ADAM22: variants seen among roughly 807,000 people sequenced by gnomAD.
ADAM22 encodes the protein ADAM metallopeptidase domain 22, also known as disintegrin and metalloproteinase domain-containing protein 22.
In ADAM22, 65 loss-of-function variants were observed where a neutral mutation model predicts 144.6. The ratio of observed to expected loss-of-function variants is 0.45; its 90% CI spans 0.37 to 0.55. ADAM22 has a LOEUF of 0.55. Among genes scored for constraint, ADAM22 ranks in the 20% least tolerant of loss-of-function variants. The pLI, the probability that ADAM22 is intolerant of heterozygous loss-of-function variation, is 0.00. For synonymous variants in ADAM22, 391 were observed against 412.6 expected (o/e 0.95, Z 0.63); for missense variants, 974 against 1,184.9 (o/e 0.82, Z 2.61).
intron 3 of ADAM22, among the ~76,000 whole-genome samples, chr7:88,052,482 A>G (rs1806762063): frequency 6.6e-6 from 1 of 152,062 alleles, no homozygotes; most frequent in African/African-American, 2.4e-5. Context: ...CCTGGGTGAC[A>G]GAGCGAAACT....
chr7:87,970,519 C>A (rs144172215), intron 2 of ADAM22, among the ~76,000 whole-genome samples: 314 of 152,252 alleles, frequency 2.1e-3, no homozygotes, highest in African/African-American at 7.4e-3. Flanking sequence ...ACCTAAAGTA[C>A]CTCATCTTTC....
chr7:87,936,875 G>T (rs562821856), intron 2 of ADAM22, among the ~76,000 whole-genome samples: 166 of 151,230 alleles, frequency 1.1e-3, no homozygotes, highest in African/African-American at 3.5e-3. Flanking sequence ...TATATATAGA[G>T]AGAGAGAGTA....
chr7:88,094,233 G>T (rs1820672253), intron 4 of ADAM22, among the ~76,000 whole-genome samples: 1 of 152,188 alleles, frequency 6.6e-6, no homozygotes, highest in Non-Finnish European at 1.5e-5. Flanking sequence ...ATTACATGTT[G>T]CTCTGAGGGC....
At chr7:88,025,790 A>G (rs1163348875) in intron 3 of ADAM22, among the ~76,000 whole-genome samples, 1 of 152,144 alleles carries the variant, frequency 6.6e-6, no homozygotes, top group Non-Finnish European at 1.5e-5. Context: ...TATTTTGAAG[A>G]CAGGTAATAT....
chr7:88,151,419 C>T (rs1838345961), intron 20 of ADAM22, 99 bp downstream of exon 20: 1 of 1,325,420 alleles, frequency 7.5e-7, no homozygotes. Flanking sequence ...TACTTTATGA[C>T]TGGGGGATTC....
chr7:88,010,396 G>A (rs1795083826), intron 3 of ADAM22, among the ~76,000 whole-genome samples: 2 of 152,248 alleles, frequency 1.3e-5, no homozygotes, highest in South Asian at 4.1e-4. Flanking sequence ...ACCACTGGAA[G>A]GTAAGCAGGT....
At chr7:87,968,244 G>T (rs1166907976) in intron 2 of ADAM22, among the ~76,000 whole-genome samples, 1 of 152,088 alleles carries the variant, frequency 6.6e-6, no homozygotes. Flanking sequence ...TTAGAATATT[G>T]CTTTTCAACT....
At chr7:88,154,760 A>C (rs1380401206) in intron 21 of ADAM22, among the ~76,000 whole-genome samples, 1 of 152,172 alleles carries the variant, frequency 6.6e-6, no homozygotes, top group Non-Finnish European at 1.5e-5. Context: ...TTTGTTTATG[A>C]TAGATACAGT....
intron 2 of ADAM22, among the ~76,000 whole-genome samples, chr7:87,966,939 G>A (rs967031707): frequency 6.6e-6 from 1 of 151,818 alleles, no homozygotes; most frequent in African/African-American, 2.4e-5. Flanking sequence ...AACATGTCAT[G>A]GGAGGGACCT....
chr7:88,060,905 AC>A (rs1809657131), intron 3 of ADAM22, among the ~76,000 whole-genome samples: 1 of 152,034 alleles, frequency 6.6e-6, no homozygotes, highest in African/African-American at 2.4e-5. Context: ...GGAATTCGAG[AC>A]CAGCCTGGCC....
At chr7:88,023,180 A>G (rs1340868339) in intron 3 of ADAM22, among the ~76,000 whole-genome samples, 1 of 152,174 alleles carries the variant, frequency 6.6e-6, no homozygotes, top group Non-Finnish European at 1.5e-5. Context: ...TATTCAGAAC[A>G]ATGGAAGTGG....
chr7:87,958,202 A>G (rs1847234388), intron 2 of ADAM22, among the ~76,000 whole-genome samples: 1 of 152,116 alleles, frequency 6.6e-6, no homozygotes, highest in Non-Finnish European at 1.5e-5. Context: ...TATGGAGTAT[A>G]TATTTGGAAG....
Position 87,934,263 on chromosome 7 carries a change from C to G in ADAM22, c.-203C>G, listed in dbSNP as rs189095178. 7.3e-4 allele frequency: 373 copies of G among 512,016 alleles called. 3 individuals are homozygous for G. The highest frequency in any genetic ancestry group is 6.3e-3 in the African/African-American group (307 of 48,900). The allele number at this position is 512,016 out of a possible 1,614,324, so 31.7% of individuals were successfully genotyped here. ...CGCCCAATGCAGCACTCGCTCGCTC[C>G]CCCCGCCAGCGGAAGCGTCCGCGAA... is the stretch of plus-strand genomic sequence containing the variant. On this transcript the variant is annotated 5_prime_UTR_variant, in exon 1 of 32. Coordinates refer to ENST00000413139, the MANE Select transcript of ADAM22 (RefSeq NM_001324418.2).
At chr7:87,978,486 T>G in intron 3 of ADAM22, 74 bp downstream of exon 3, 1 of 1,330,038 alleles carries the variant, frequency 7.5e-7, no homozygotes, top group South Asian at 1.2e-5. Flanking sequence ...TAAAGTTTTT[T>G]CTTACTATAT....
At chr7:88,156,603 G>C (rs1419571337) in intron 22 of ADAM22, among the ~76,000 whole-genome samples, 1 of 152,106 alleles carries the variant, frequency 6.6e-6, no homozygotes, top group Non-Finnish European at 1.5e-5. Context: ...AAGAGGGAGG[G>C]AAGGAGTGGA....
intron 2 of ADAM22, among the ~76,000 whole-genome samples, chr7:87,956,253 C>G (rs1455952381): frequency 6.6e-6 from 1 of 152,110 alleles, no homozygotes. Context: ...CGGAGCTGTT[C>G]CTATTTGGCC....
intron 22 of ADAM22, among the ~76,000 whole-genome samples, chr7:88,156,755 C>T (rs1840076633): frequency 6.6e-6 from 1 of 151,948 alleles, no homozygotes; most frequent in Non-Finnish European, 1.5e-5. Flanking sequence ...AGAGAATAAA[C>T]GAGGAGGTTT....
chr7:88,036,173 C>T (rs1292927360), intron 3 of ADAM22, among the ~76,000 whole-genome samples: 1 of 152,088 alleles, frequency 6.6e-6, no homozygotes, highest in African/African-American at 2.4e-5. Context: ...GTATTTAAAA[C>T]ACAATAGGCT....
chr7:88,183,712 T>G (rs1847647527), intron 29 of ADAM22, among the ~76,000 whole-genome samples: 1 of 151,834 alleles, frequency 6.6e-6, no homozygotes, highest in East Asian at 1.9e-4. Context: ...TTTCAGACTT[T>G]TCTGATTTTG....
Sources: gnomAD v4.1 joint callset for allele counts (sites outside exome capture counted in the v4.1 genomes callset) on GRCh38, gnomAD v4.1.1 for gene constraint, MANE v1.5 for transcripts, NCBI Gene and HGNC (gene_info 2026-07-23, HGNC 2026-07-21) for gene names.